The following CTNNBIP1 variants were observed in gnomAD, a reference collection of about 807,000 sequenced individuals.
CTNNBIP1 encodes the protein catenin beta interacting protein 1.
In CTNNBIP1, 7 loss-of-function variants were observed where a neutral mutation model predicts 11.8. That is an observed-to-expected ratio of 0.60 (90% confidence interval 0.34 to 1.12). The LOEUF (loss-of-function observed/expected upper bound fraction) is 1.12. CTNNBIP1 is among the 50% of genes most tolerant of loss of function. CTNNBIP1 has a pLI of 0.03. For missense variants in CTNNBIP1, 101 were observed against 113.4 expected (o/e 0.89, Z 0.50); for synonymous variants, 58 against 43.9 (o/e 1.32, Z -1.26).
chr1:9,861,403 T>C (rs547948285), intron 5 of CTNNBIP1, among the ~76,000 whole-genome samples: 7 of 152,222 alleles, frequency 4.6e-5, no homozygotes, highest in Non-Finnish European at 1.0e-4. Context: ...CTCGGGACTA[T>C]GAGCTGGGTG....
At chr1:9,886,747 G>C (rs999945255) in intron 1 of CTNNBIP1, among the ~76,000 whole-genome samples, 1 of 152,132 alleles carries the variant, frequency 6.6e-6, no homozygotes, top group Admixed American at 6.6e-5. Flanking sequence ...CGAGGGGGAC[G>C]GGGGGCAGAG....
chr1:9,907,830 C>G (rs890366489), intron 1 of CTNNBIP1, among the ~76,000 whole-genome samples: 1 of 152,220 alleles, frequency 6.6e-6, no homozygotes, highest in Non-Finnish European at 1.5e-5. Flanking sequence ...AAGCCACCAT[C>G]ATCTCTTGCC....
intron 5 of CTNNBIP1, among the ~76,000 whole-genome samples, chr1:9,868,056 C>T (rs1447297743): frequency 1.3e-5 from 2 of 152,184 alleles, no homozygotes; most frequent in African/African-American, 4.8e-5. Context: ...GAAACTCTTC[C>T]AGACATGGCT....
intron 1 of CTNNBIP1, among the ~76,000 whole-genome samples, chr1:9,885,925 T>A (rs1197466346): frequency 1.4e-5 from 2 of 140,250 alleles, no homozygotes; most frequent in African/African-American, 5.4e-5. Flanking sequence ...AGAGTGAAAC[T>A]CCATCTTGAG....
At chr1:9,881,772 T>G (rs185441079) in intron 2 of CTNNBIP1, among the ~76,000 whole-genome samples, 1 of 152,120 alleles carries the variant, frequency 6.6e-6, no homozygotes, top group African/African-American at 2.4e-5. Context: ...CAACCTTAAG[T>G]AGACACTAAA....
chr1:9,867,721 T>G lies in CTNNBIP1; in HGVS notation c.187+3466A>C. Among the ~76,000 whole-genome samples, 1 of 152,306 alleles carries G rather than the reference T, an allele frequency of 6.6e-6. No individual in the cohort carries two copies. The highest frequency in any genetic ancestry group is 1.9e-4 in the East Asian group (1 of 5,182). ...GGCTCCAGGCCTTTGGGGTTCATTA[T>G]GGCAGTCTCTGCACCCTGCTCTGGC... On this transcript the variant is annotated intron_variant, in intron 5 of 5. Coordinates refer to ENST00000377263, the MANE Select transcript of CTNNBIP1 (RefSeq NM_020248.3). The surrounding 1 kb of genome is among the most constrained non-coding windows in gnomAD (Gnocchi z 4.6).
chr1:9,855,978 T>A (rs112166399), intron 5 of CTNNBIP1, among the ~76,000 whole-genome samples: 5,086 of 152,066 alleles, frequency 0.033, 267 homozygotes, highest in African/African-American at 0.12. Context: ...AAACCCCATC[T>A]CTACTAAAAA....
chr1:9,866,256 C>A (rs369517369), intron 5 of CTNNBIP1, among the ~76,000 whole-genome samples: 2 of 152,242 alleles, frequency 1.3e-5, no homozygotes, highest in Non-Finnish European at 2.9e-5. Context: ...TGGTTCCTGG[C>A]GGCCAAGAGG....
At chr1:9,908,215 C>T (rs780881450) in intron 1 of CTNNBIP1, among the ~76,000 whole-genome samples, 20 of 151,972 alleles carry the variant, frequency 1.3e-4, no homozygotes, top group Non-Finnish European at 2.1e-4. Context: ...TGCACCACCA[C>T]GCTCAGCTAA....
Position 9,893,597 on chromosome 1 carries a change from A to G in CTNNBIP1, c.-143-9859T>C, listed in dbSNP as rs957098599. ...ACCTGCCCTCCTGCAAAAACTCTCC[A>G]TTGAGAGGAAAAAGCTTATCTCAAG... On this transcript the variant is annotated intron_variant, in intron 1 of 5. Transcript: ENST00000377263. Among the ~76,000 whole-genome samples, 2 of 152,184 alleles carry G rather than the reference A, an allele frequency of 1.3e-5. 1 individual carries two copies. Among genetic ancestry groups the G allele is most frequent in the East Asian group, 3.8e-4 (2 of 5,204 alleles).
At chr1:9,890,855 C>G (rs1639287070) in intron 1 of CTNNBIP1, among the ~76,000 whole-genome samples, 1 of 152,164 alleles carries the variant, frequency 6.6e-6, no homozygotes, top group Non-Finnish European at 1.5e-5. Context: ...GACTAAGTCC[C>G]CAAAAGGCAA....
At chr1:9,900,809 C>T (rs995553245) in intron 1 of CTNNBIP1, among the ~76,000 whole-genome samples, 3 of 152,190 alleles carry the variant, frequency 2.0e-5, no homozygotes, top group African/African-American at 4.8e-5. Flanking sequence ...GCAACTCCAG[C>T]GATCGGCCAG....
rs943089871 is a variant in CTNNBIP1 at position 9,872,200 on chromosome 1, T to C, written c.-24-112A>G. 1.6e-5 allele frequency: 11 copies of C among 692,904 alleles called. No individual in the cohort carries two copies. Among genetic ancestry groups the C allele is most frequent in the Admixed American group, 1.5e-4 (7 of 45,538 alleles). The allele number at this position is 692,904 out of a possible 1,614,324, so 42.9% of individuals were successfully genotyped here. On this transcript the variant is annotated intron_variant, in intron 3 of 5. Coordinates refer to ENST00000377263, the MANE Select transcript of CTNNBIP1 (RefSeq NM_020248.3). This position sits in a 1 kb window ranked among gnomAD's most constrained non-coding sequence, Gnocchi z 4.0. ...CCCAGGAGCCGCTTTCCACCCACAG[T>C]CTCCCTTCTGGGAGCATGGGGCAGG...
chr1:9,852,498 A>G (rs983006548), intron 5 of CTNNBIP1, among the ~76,000 whole-genome samples: 7 of 152,218 alleles, frequency 4.6e-5, no homozygotes, highest in South Asian at 2.1e-4. Flanking sequence ...GGGAAGCCCT[A>G]TGAATCCTTC....
chr1:9,869,586 A>G (rs1167877586), intron 5 of CTNNBIP1, among the ~76,000 whole-genome samples: 1 of 152,148 alleles, frequency 6.6e-6, no homozygotes, highest in Non-Finnish European at 1.5e-5. Flanking sequence ...TGGCCTCCCA[A>G]AATGCTGGGA....
Position 9,866,679 on chromosome 1 carries a change from C to CA in CTNNBIP1, c.187+4507dup, listed in dbSNP as rs57899217. Among the ~76,000 whole-genome samples the CA allele has an allele frequency of 7.5e-3, 804 of 107,166 alleles. 9 individuals carry two copies. Among genetic ancestry groups the CA allele is most frequent in the African/African-American group, 0.017 (575 of 32,978 alleles). The allele number at this position is 107,166 out of a possible 152,430, so 70.3% of individuals were successfully genotyped here. A position where few individuals can be genotyped will look rare whatever the true frequency, so the allele number is the denominator to read the frequency against. Reference sequence around the variant, plus strand: ...TGGGTGACAGAACAAAACTCCTTCTCAAAAAAAAAAAAAAAAGTCGAGTAG... The same window carrying CA: ...TGGGTGACAGAACAAAACTCCTTCTCAAAAAAAAAAAAAAAAAGTCGAGTAG... On this transcript the variant is annotated intron_variant, in intron 5 of 5. Transcript: ENST00000377263.
rs1354859747 is a variant in CTNNBIP1 at position 9,889,338 on chromosome 1, C to T, written c.-143-5600G>A. 6.6e-5 allele frequency among the ~76,000 whole-genome samples: 10 copies of T among 152,270 alleles called. No homozygotes were observed. In the East Asian group the frequency reaches 1.2e-3, roughly 18 times the overall value. Reference sequence around the variant, plus strand: ...TATCTAGAGACATTTTTGATTGTCACGACTAGTAGGGTCCTGCTGGGTAGA... The same window carrying T: ...TATCTAGAGACATTTTTGATTGTCATGACTAGTAGGGTCCTGCTGGGTAGA... On this transcript the variant is annotated intron_variant, in intron 1 of 5. Transcript: ENST00000377263.
intron 1 of CTNNBIP1, among the ~76,000 whole-genome samples, chr1:9,902,957 G>A (rs555320841): frequency 4.5e-4 from 68 of 152,244 alleles, no homozygotes; most frequent in African/African-American, 1.5e-3. Context: ...AGTAAAGACG[G>A]GGTTTCACCA....
chr1:9,875,691 A>C (rs1406826945), intron 3 of CTNNBIP1, among the ~76,000 whole-genome samples: 1 of 152,230 alleles, frequency 6.6e-6, no homozygotes. Flanking sequence ...GTGGTCATGG[A>C]GAATTCTTCC....
Sources: gnomAD v4.1 joint callset for allele counts (sites outside exome capture counted in the v4.1 genomes callset) on GRCh38, gnomAD v4.1.1 for gene constraint, Gnocchi (gnomAD v3.1) non-coding constraint, MANE v1.5 for transcripts, NCBI Gene and HGNC (gene_info 2026-07-23, HGNC 2026-07-21) for gene names.